TTC39C: variants seen among roughly 807,000 people sequenced by gnomAD.
TTC39C encodes the protein tetratricopeptide repeat domain 39C.
A neutral mutation model predicts 76.3 loss-of-function variants in TTC39C; 33 were observed. The observed-to-expected ratio is 0.43, with a 90% CI of 0.33 to 0.58. The LOEUF is 0.58. Ranked by LOEUF, TTC39C falls within the 20% of genes least tolerant of loss-of-function variation. The pLI, the probability that TTC39C is intolerant of heterozygous loss-of-function variation, is 0.04. For missense variants in TTC39C, 595 were observed against 701.4 expected (o/e 0.85, Z 1.71); for synonymous variants, 254 against 260.6 (o/e 0.97, Z 0.24).
intron 1 of TTC39C, among the ~76,000 whole-genome samples, chr18:23,996,247 TA>T (rs2083260213): frequency 6.6e-6 from 1 of 152,264 alleles, no homozygotes; most frequent in Admixed American, 6.5e-5. Context: ...GCCCATTTTC[TA>T]ATTGGATTTG....
intron 1 of TTC39C, among the ~76,000 whole-genome samples, chr18:24,039,684 T>G (rs1568414851): frequency 6.6e-6 from 1 of 152,220 alleles, no homozygotes; most frequent in East Asian, 1.9e-4. Context: ...TTTAGAAAAC[T>G]AATTCTGGGG....
At chr18:24,127,359 T>C (rs1484907483) in intron 10 of TTC39C, among the ~76,000 whole-genome samples, 1 of 152,156 alleles carries the variant, frequency 6.6e-6, no homozygotes, top group Admixed American at 6.5e-5. Context: ...CCCTCCCAGT[T>C]TTGTGCATTT....
Position 24,080,616 on chromosome 18 carries a change from A to G in TTC39C, c.492A>G (p.Lys164=). The G allele has an allele frequency of 6.2e-7, 1 of 1,610,762 alleles. No homozygotes were observed. Among genetic ancestry groups the G allele is most frequent in the Non-Finnish European group, 8.5e-7 (1 of 1,178,332 alleles). ...AYIKGGWILR[K]AWKIYNKCYL... ...TCAAAGGTGGGTGGATCCTTAGGAAAGCCTGGAAGATTTACAATAAATGCT... is the reference window on the plus strand; with the variant it reads ...TCAAAGGTGGGTGGATCCTTAGGAAGGCCTGGAAGATTTACAATAAATGCT... The change falls in exon 5 of 14, where the codon AAA becomes AAG. Residue 164 remains lysine, a synonymous_variant. Transcript: ENST00000317571.
chr18:24,034,936 A>C (rs2083714718), intron 1 of TTC39C, among the ~76,000 whole-genome samples: 1 of 152,224 alleles, frequency 6.6e-6, no homozygotes, highest in Admixed American at 6.5e-5. Flanking sequence ...TTCTGTGAAC[A>C]TGGATGTCCA....
rs947354770 is a variant in TTC39C at position 24,064,272 on chromosome 18, T to C, written c.216+84T>C. 2.7e-6 allele frequency: 4 copies of C among 1,480,986 alleles called. No individual in the cohort carries two copies. The African/African-American group carries it at 5.6e-5, about 21-fold the overall frequency. 91.7% of individuals were successfully genotyped at this position (1,480,986 alleles called of 1,614,324 possible). On this transcript the variant is annotated intron_variant, in intron 2 of 13. Coordinates refer to ENST00000317571, the MANE Select transcript of TTC39C (RefSeq NM_001135993.2). The stretch of plus-strand genomic sequence containing the variant: ...TGTTAGTGGCTACCAGTTGTATAGA[T>C]ACACTATTGTAGAAAGTCTTTTAGA...
At chr18:24,099,390 C>T (rs1234760001) in intron 6 of TTC39C, 1 of 151,576 alleles carries the variant, frequency 6.6e-6, no homozygotes, top group African/African-American at 2.4e-5. Context: ...CATGAGGGCT[C>T]CACCCTCATG....
intron 1 of TTC39C, among the ~76,000 whole-genome samples, chr18:24,025,548 TAAAC>T (rs954861063): frequency 3.3e-5 from 5 of 152,234 alleles, no homozygotes; most frequent in African/African-American, 1.2e-4. Flanking sequence ...TAGAACTAAA[TAAAC>T]AGTTTTTCAT....
chr18:24,062,493 A>G (rs914332369), intron 1 of TTC39C, among the ~76,000 whole-genome samples: 3 of 152,210 alleles, frequency 2.0e-5, no homozygotes, highest in African/African-American at 4.8e-5. Flanking sequence ...GTGGAATGAG[A>G]AAAACTAATG....
In TTC39C at chr18:24,135,342, G is replaced by T. The variant is rs1568451590; in HGVS notation, c.*2768G>T. On this transcript the variant is annotated 3_prime_UTR_variant, in exon 14 of 14. Coordinates refer to ENST00000317571, the MANE Select transcript of TTC39C (RefSeq NM_001135993.2). ...GTCTATCCTAGGCTTGGTACAGATG[G>T]CGCCTGTGGTAAATCTGTGTTAACA... 1 of 152,440 alleles carries T rather than the reference G, an allele frequency of 6.6e-6. No individual in the cohort carries two copies. The highest frequency in any genetic ancestry group is 2.4e-5 in the African/African-American group (1 of 41,370). The allele number at this position is 152,440 out of a possible 1,614,324, so 9.4% of individuals were successfully genotyped here. A position where few individuals can be genotyped will look rare whatever the true frequency, so the allele number is the denominator to read the frequency against.
At chr18:24,000,154 CA>C (rs1160315782) in intron 1 of TTC39C, among the ~76,000 whole-genome samples, 1 of 152,168 alleles carries the variant, frequency 6.6e-6, no homozygotes, top group Non-Finnish European at 1.5e-5. Context: ...TGATGTTTGT[CA>C]ACTGCTCCCC....
At chr18:24,020,142 A>G in intron 1 of TTC39C, 4 of 1,240,596 alleles carry the variant, frequency 3.2e-6, no homozygotes, top group Non-Finnish European at 4.0e-6. Flanking sequence ...GAAATGGTTT[A>G]AGGGAACTGG....
At chr18:24,043,802 G>A (rs1475468450) in intron 1 of TTC39C, among the ~76,000 whole-genome samples, 3 of 152,202 alleles carry the variant, frequency 2.0e-5, no homozygotes, top group African/African-American at 7.2e-5. Flanking sequence ...GGCAGTTCTT[G>A]GGATGGAGAA....
intron 1 of TTC39C, among the ~76,000 whole-genome samples, chr18:24,023,950 G>GA (rs2083549916): frequency 5.9e-5 from 1 of 16,904 alleles, no homozygotes; most frequent in Admixed American, 4.9e-4. Context: ...ATATATGCAT[G>GA]TATATATATA....
At chr18:24,069,096 T>G (rs1037864142) in intron 3 of TTC39C, 61 bp from the exon 4 acceptor site, 3 of 1,325,262 alleles carry the variant, frequency 2.3e-6, no homozygotes, top group African/African-American at 1.4e-5. Context: ...CTGATACTGT[T>G]TGGGGGAACT....
At chr18:24,118,973 T>G (rs1392821411) in intron 8 of TTC39C, among the ~76,000 whole-genome samples, 1 of 152,220 alleles carries the variant, frequency 6.6e-6, no homozygotes, top group African/African-American at 2.4e-5. Flanking sequence ...GTATTTTTGT[T>G]TGGTTCGTGC....
In TTC39C at chr18:24,046,058, C is replaced by T. The variant is rs1270129046; in HGVS notation, c.168-18082C>T. Among the ~76,000 whole-genome samples, 5 of 148,628 alleles carry T rather than the reference C, an allele frequency of 3.4e-5. No homozygotes were observed. In the Admixed American group the frequency reaches 3.4e-4, roughly 10 times the overall value. ...GGTTCACGCCATTCTCCTGTCTCAG[C>T]CTCCCGAGTAGCTGGGACTACAGGC... On this transcript the variant is annotated intron_variant, in intron 1 of 13. Coordinates refer to ENST00000317571, the MANE Select transcript of TTC39C (RefSeq NM_001135993.2).
intron 6 of TTC39C, chr18:24,113,722 GA>G (rs1265453505): frequency 1.1e-5 from 8 of 701,522 alleles, no homozygotes; most frequent in Middle Eastern, 2.3e-4. Context: ...TTTGAATCCT[GA>G]TCATGCTTTT....
intron 1 of TTC39C, among the ~76,000 whole-genome samples, chr18:24,031,511 A>C (rs923488023): frequency 3.3e-5 from 5 of 152,144 alleles, no homozygotes; most frequent in Non-Finnish European, 5.9e-5. Context: ...GGTTGTACAC[A>C]CTAGAAGGCT....
chr18:24,013,123 C>G (rs572426571), upstream of TTC39C: 17 of 152,286 alleles, frequency 1.1e-4, no homozygotes, highest in South Asian at 3.5e-3. Flanking sequence ...TATGTTAAAT[C>G]CAAGAAAACC....
Sources: allele counts gnomAD v4.1 joint callset (sites outside exome capture counted in the v4.1 genomes callset), GRCh38; gene constraint gnomAD v4.1.1; transcripts MANE v1.5; gene names NCBI Gene and HGNC (gene_info 2026-07-23, HGNC 2026-07-21).